The following CSMD2 variants were observed in gnomAD, a reference collection of about 807,000 sequenced individuals.
The protein encoded by CSMD2 is CUB and sushi domain-containing protein 2.
CSMD2 carries 130 observed loss-of-function variants against 398.5 expected under a neutral mutation model. That is an observed-to-expected ratio of 0.33 (90% CI 0.28 to 0.38). The LOEUF is 0.38. CSMD2 is among the 10% of genes least tolerant of loss of function. The pLI, the probability that CSMD2 is intolerant of heterozygous loss-of-function variation, is 1.00. For synonymous variants in CSMD2, 1,828 were observed against 1,908.5 expected (o/e 0.96, Z 1.10); for missense variants, 3,829 against 4,764.9 (o/e 0.80, Z 5.78).
chr1:33,711,084 G>A (rs1298707209), intron 21 of CSMD2, among the ~76,000 whole-genome samples: 2 of 152,228 alleles, frequency 1.3e-5, no homozygotes, highest in African/African-American at 2.4e-5. Context: ...AGGGACAGTG[G>A]TGGGCAGGCT....
Position 33,602,506 on chromosome 1 carries a change from C to A in CSMD2, c.6573G>T (p.Val2191=). ...GGNITSSNGT[V]YSPGFPSPYS... is the part of the protein sequence containing the mutation. ...ACGGGCTAGGGAACCCCGGGGAGTA[C>A]ACAGTGCCGTTGGAAGAAGTGATGT... Residue 2191 remains valine, a synonymous_variant, in exon 43 of 71, where the codon GTG becomes GTT. Coordinates refer to ENST00000373381, the MANE Select transcript of CSMD2 (RefSeq NM_001281956.2). The A allele has an allele frequency of 6.2e-7, 1 of 1,609,764 alleles. No homozygotes were observed. Among genetic ancestry groups the A allele is most frequent in the Non-Finnish European group, 8.5e-7 (1 of 1,178,262 alleles).
chr1:33,891,906 G>A, intron 5 of CSMD2, among the ~76,000 whole-genome samples: 1 of 101,612 alleles, frequency 9.8e-6, no homozygotes, highest in African/African-American at 3.8e-5. Context: ...TTGTGGGGTG[G>A]GGGGAGGGGG....
At chr1:33,594,250 C>T (rs1472728908) in intron 44 of CSMD2, among the ~76,000 whole-genome samples, 4 of 152,132 alleles carry the variant, frequency 2.6e-5, no homozygotes, top group African/African-American at 7.2e-5. Flanking sequence ...GTTACAGCCC[C>T]GCTTGAGATA....
At position 33,624,101 on chromosome 1, in the gene CSMD2, G is replaced by A. The variant is rs1641942784; in HGVS notation, c.5625+418C>T. On this transcript the variant is annotated intron_variant, in intron 35 of 70. Transcript: ENST00000373381. The surrounding 1 kb of genome is among the most constrained non-coding windows in gnomAD (Gnocchi z 4.7). ...TTTGCTCTTTCTTCTCATTAGCACT[G>A]CCTCCCCTTCTAACCCTCACAATCT... Among the ~76,000 whole-genome samples, 1 of 152,166 alleles carries A rather than the reference G, an allele frequency of 6.6e-6. No homozygotes were observed. Among genetic ancestry groups the A allele is most frequent in the Admixed American group, 6.5e-5 (1 of 15,278 alleles).
At chr1:33,775,136 A>G (rs543544856) in intron 12 of CSMD2, among the ~76,000 whole-genome samples, 11 of 152,230 alleles carry the variant, frequency 7.2e-5, no homozygotes, top group Admixed American at 6.5e-5. Context: ...CTCAGTTATC[A>G]TGACAAATAA....
chr1:33,893,490 C>T (rs190022251), intron 5 of CSMD2, among the ~76,000 whole-genome samples: 22 of 152,304 alleles, frequency 1.4e-4, no homozygotes, highest in Admixed American at 1.4e-3. Context: ...ACTCTGAGCC[C>T]TTTTCTTCCT....
intron 26 of CSMD2, among the ~76,000 whole-genome samples, chr1:33,659,346 C>G (rs1337093352): frequency 6.6e-6 from 1 of 152,160 alleles, no homozygotes; most frequent in Non-Finnish European, 1.5e-5. Flanking sequence ...CTGGAACAAC[C>G]CTGGCTGCCT....
At chr1:33,883,908 G>A (rs543219928) in intron 5 of CSMD2, among the ~76,000 whole-genome samples, 2 of 152,316 alleles carry the variant, frequency 1.3e-5, no homozygotes, top group African/African-American at 4.8e-5. Context: ...GAGAGGGTCA[G>A]CCCTAGAAGG....
chr1:33,605,136 C>T (rs753663640), intron 42 of CSMD2, 146 bp downstream of exon 42: 99 of 771,774 alleles, frequency 1.3e-4, no homozygotes, highest in Non-Finnish European at 1.9e-4. Flanking sequence ...CTGGGCCACA[C>T]CATGTGAAAA....
intron 5 of CSMD2, among the ~76,000 whole-genome samples, chr1:33,855,367 T>C (rs1639008821): frequency 6.6e-6 from 1 of 152,000 alleles, no homozygotes; most frequent in African/African-American, 2.4e-5. Flanking sequence ...GGAAGGTAGG[T>C]CCCTATGGCC....
At chr1:33,750,181 T>C (rs1339734231) in intron 13 of CSMD2, among the ~76,000 whole-genome samples, 2 of 152,028 alleles carry the variant, frequency 1.3e-5, no homozygotes, top group Non-Finnish European at 2.9e-5. Flanking sequence ...TCCTAAATCA[T>C]GGTACAAATT....
chr1:33,710,431 A>G (rs1055556198), intron 21 of CSMD2, among the ~76,000 whole-genome samples: 2 of 152,234 alleles, frequency 1.3e-5, no homozygotes, highest in African/African-American at 2.4e-5. Context: ...GAATGAATGG[A>G]TATGGAGTAC....
intron 1 of CSMD2, among the ~76,000 whole-genome samples, chr1:34,151,390 G>A (rs1640305448): frequency 6.6e-6 from 1 of 152,114 alleles, no homozygotes; most frequent in African/African-American, 2.4e-5. Context: ...GTTGAAGCCT[G>A]GTTAAAGAAA....
Position 33,625,268 on chromosome 1 carries a change from G to A in CSMD2, c.5297-14C>T. On this transcript the variant is annotated splice_polypyrimidine_tract_variant and intron_variant, in intron 33 of 70. Coordinates refer to ENST00000373381, the MANE Select transcript of CSMD2 (RefSeq NM_001281956.2). ...TTCGAGGAACCGCTGTGGGGGACAA[G>A]GGCACTGAGGGGAGGCCTCACCCCT... The A allele has an allele frequency of 4.4e-6, 7 of 1,602,398 alleles. No individual in the cohort carries two copies. The highest frequency in any genetic ancestry group is 1.7e-5 in the Admixed American group (1 of 58,430).
chr1:33,889,938 G>A (rs559168640), intron 5 of CSMD2, among the ~76,000 whole-genome samples: 1 of 151,812 alleles, frequency 6.6e-6, no homozygotes, highest in Non-Finnish European at 1.5e-5. Context: ...TTTTCACAAA[G>A]AGTATAAATT....
At chr1:33,619,308 T>C (rs1641604729) in intron 37 of CSMD2, among the ~76,000 whole-genome samples, 1 of 152,164 alleles carries the variant, frequency 6.6e-6, no homozygotes. Flanking sequence ...CCTTGGGGGA[T>C]ACAGGCTCCT....
At chr1:33,951,591 A>G (rs1645009885) in intron 3 of CSMD2, among the ~76,000 whole-genome samples, 1 of 152,148 alleles carries the variant, frequency 6.6e-6, no homozygotes, top group Non-Finnish European at 1.5e-5. Flanking sequence ...CCCGTCCTCC[A>G]CTTCAGGTTC....
At chr1:33,605,959 A>C in intron 41 of CSMD2, 1 of 1,613,780 alleles carries the variant, frequency 6.2e-7, no homozygotes, top group Non-Finnish European at 8.5e-7. Flanking sequence ...CCTCTCAGGA[A>C]GGAAGAAATC....
chr1:33,826,232 G>A (rs1658798951), intron 6 of CSMD2, among the ~76,000 whole-genome samples: 2 of 152,156 alleles, frequency 1.3e-5, no homozygotes, highest in African/African-American at 4.8e-5. Flanking sequence ...GGCCCAAATT[G>A]TCACTACTCA....
Sources: gnomAD v4.1 joint callset for allele counts (sites outside exome capture counted in the v4.1 genomes callset) on GRCh38, gnomAD v4.1.1 for gene constraint, Gnocchi (gnomAD v3.1) non-coding constraint, MANE v1.5 for transcripts, NCBI Gene and HGNC (gene_info 2026-07-23, HGNC 2026-07-21) for gene names.